PRDM6: variants seen among roughly 807,000 people sequenced by gnomAD.
PRDM6 encodes putative histone-lysine N-methyltransferase PRDM6.
Under a neutral mutation model 60.8 loss-of-function variants are expected in PRDM6, and 25 were observed. The ratio of observed to expected loss-of-function variants is 0.41; its 90% CI spans 0.30 to 0.57. The LOEUF (loss-of-function observed/expected upper bound fraction) is 0.57. PRDM6 is among the 20% of genes least tolerant of loss of function. The pLI is 0.27. For synonymous variants in PRDM6, 407 were observed against 357.4 expected, an observed-to-expected ratio of 1.14 and a Z score of -1.57; for missense variants, 839 against 821.3, an observed-to-expected ratio of 1.02 and a Z score of -0.26.
rs115542196 is a variant in PRDM6, at chr5:123,109,108, C to T, written c.900+9147C>T. ...GCACGTGTCTTTAATAAAAACAAAG[C>T]GTTTCTGGGGTCTATGAGGAGATTA... On this transcript the variant is annotated intron_variant, in intron 3 of 7. Transcript: ENST00000407847. Among the ~76,000 whole-genome samples, 838 of 152,108 alleles carry T rather than the reference C, an allele frequency of 5.5e-3. 10 individuals are homozygous for T. The highest frequency in any genetic ancestry group is 0.019 in the African/African-American group (798 of 41,506).
intron 3 of PRDM6, among the ~76,000 whole-genome samples, chr5:123,154,363 TA>T (rs1765445798): frequency 6.6e-6 from 1 of 152,212 alleles, no homozygotes. Flanking sequence ...CTGCTCAAGC[TA>T]AATTGATTAT....
In PRDM6 at chr5:123,099,715, G is replaced by A. The variant is rs186755; in HGVS notation, c.654G>A (p.Ser218=). 2 of 1,529,122 alleles carry A rather than the reference G, an allele frequency of 1.3e-6. No individual in the cohort carries two copies. Among genetic ancestry groups the A allele is most frequent in the African/African-American group, 1.4e-5 (1 of 72,360 alleles). The allele number at this position is 1,529,122 out of a possible 1,614,324, so 94.7% of individuals were successfully genotyped here. A position where few individuals can be genotyped will look rare whatever the true frequency, so the allele number is the denominator to read the frequency against. Residue 218 remains serine (S), a synonymous_variant, in exon 3 of 8, where the codon TCG becomes TCA. Transcript: ENST00000407847. The surrounding 1 kb of genome is among the most constrained non-coding windows in gnomAD (Gnocchi z 4.0). The part of the protein sequence containing the change: ...GECPMHGPLH[S]LRRLVGTSSA... ...GCCCTATGCATGGGCCACTGCACTCGCTGCGCCGGCTTGTGGGCACCAGCA... is the reference window on the plus strand; with the variant it reads ...GCCCTATGCATGGGCCACTGCACTCACTGCGCCGGCTTGTGGGCACCAGCA...
At chr5:123,176,531 T>A (rs112903135) in intron 6 of PRDM6, among the ~76,000 whole-genome samples, 9,212 of 152,006 alleles carry the variant, frequency 0.061, 375 homozygotes, top group Non-Finnish European at 0.087. Flanking sequence ...GGCAACCTGG[T>A]GAAACCCCAT....
At chr5:123,169,480 T>C (rs1765836302) in intron 5 of PRDM6, among the ~76,000 whole-genome samples, 1 of 152,220 alleles carries the variant, frequency 6.6e-6, no homozygotes. Context: ...TTGCTGTTCA[T>C]GATAGGCCCT....
chr5:123,162,154 A>C (rs1339728142), intron 5 of PRDM6, among the ~76,000 whole-genome samples: 1 of 152,164 alleles, frequency 6.6e-6, no homozygotes, highest in Non-Finnish European at 1.5e-5. Context: ...CTGTGGAGTG[A>C]CCACTTAGGA....
At chr5:123,119,425 C>G (rs887779032) in intron 3 of PRDM6, among the ~76,000 whole-genome samples, 7 of 152,302 alleles carry the variant, frequency 4.6e-5, no homozygotes, top group African/African-American at 1.7e-4. Context: ...CGCTGGTGCT[C>G]AGGCGCCCAC....
At chr5:123,126,181 C>T (rs1467239925) in intron 3 of PRDM6, among the ~76,000 whole-genome samples, 2 of 152,152 alleles carry the variant, frequency 1.3e-5, no homozygotes, top group South Asian at 4.1e-4. Context: ...ATTTCAGCTT[C>T]CCACTTTTGT....
At position 123,189,649 on chromosome 5, in the gene PRDM6, A is replaced by G. The variant is rs1041092610; in HGVS notation, c.*2448A>G. 6.6e-6 allele frequency: 1 copy of G among 152,218 alleles called. No homozygotes were observed. The highest frequency in any genetic ancestry group is 2.4e-5 in the African/African-American group (1 of 41,456). The allele number at this position is 152,218 out of a possible 1,614,324, so 9.4% of individuals were successfully genotyped here. On this transcript the variant is annotated 3_prime_UTR_variant, in exon 8 of 8. Coordinates refer to ENST00000407847, the MANE Select transcript of PRDM6 (RefSeq NM_001136239.4). ...TCTATTATTAAGAGAAATTGTTGGC[A>G]TATATATTCCACCAAATTTGGTCAG...
chr5:123,089,320 G>C lies in PRDM6; in HGVS notation c.-215G>C, dbSNP rs1485580552. 1 of 152,830 alleles carries C rather than the reference G, an allele frequency of 6.5e-6. No homozygotes were observed. The highest frequency in any genetic ancestry group is 2.4e-5 in the African/African-American group (1 of 41,436). 9.5% of individuals were successfully genotyped at this position (152,830 alleles called of 1,614,324 possible). On this transcript the variant is annotated 5_prime_UTR_variant, in exon 1 of 8. Coordinates refer to ENST00000407847, the MANE Select transcript of PRDM6 (RefSeq NM_001136239.4). The stretch of plus-strand genomic sequence containing the variant: ...CACGGCGGTTGAGTCGGGCGCCCAG[G>C]TCCGTCCGCACTCTCGCGCCCTCCG...
chr5:123,126,870 A>G (rs566489770), intron 3 of PRDM6, among the ~76,000 whole-genome samples: 2 of 152,298 alleles, frequency 1.3e-5, no homozygotes, highest in African/African-American at 4.8e-5. Context: ...ATAGTTATTA[A>G]TAAACCTTTT....
intron 3 of PRDM6, among the ~76,000 whole-genome samples, chr5:123,126,390 G>T (rs1253399562): frequency 1.4e-5 from 2 of 143,794 alleles, no homozygotes; most frequent in African/African-American, 2.5e-5. Context: ...TGCACCAAGT[G>T]TTTTTTTTTT....
At chr5:123,145,557 G>A (rs1302029210) in intron 3 of PRDM6, among the ~76,000 whole-genome samples, 1 of 152,158 alleles carries the variant, frequency 6.6e-6, no homozygotes, top group Non-Finnish European at 1.5e-5. Flanking sequence ...TTTGATGTAG[G>A]CCAGTAGTGG....
At position 123,126,663 on chromosome 5, in the gene PRDM6, G is replaced by T. The variant is rs1266989836; in HGVS notation, c.900+26702G>T. On this transcript the variant is annotated intron_variant, in intron 3 of 7. Transcript: ENST00000407847. ...TCTGTTTAAGCAAGATATATCTGCT[G>T]GACAAGAGATGACACATATTTCTAC... 2.0e-5 allele frequency among the ~76,000 whole-genome samples: 3 copies of T among 152,094 alleles called. No homozygotes were observed. The East Asian group carries it at 5.8e-4, about 29-fold the overall frequency.
At chr5:123,145,258 T>C (rs537293272) in intron 3 of PRDM6, among the ~76,000 whole-genome samples, 99 of 152,282 alleles carry the variant, frequency 6.5e-4, no homozygotes, top group African/African-American at 2.4e-3. Context: ...GATGGGAAAA[T>C]CTACAGATTT....
intron 3 of PRDM6, among the ~76,000 whole-genome samples, chr5:123,149,008 A>G (rs1765314608): frequency 6.6e-6 from 1 of 152,252 alleles, no homozygotes; most frequent in South Asian, 2.1e-4. Flanking sequence ...GGTCAGTTAT[A>G]CAGATAAATA....
At chr5:123,182,386 T>C (rs1766185177) in intron 7 of PRDM6, among the ~76,000 whole-genome samples, 1 of 152,236 alleles carries the variant, frequency 6.6e-6, no homozygotes, top group African/African-American at 2.4e-5. Context: ...TTCTGGCCCC[T>C]TATATTAGAA....
intron 7 of PRDM6, among the ~76,000 whole-genome samples, chr5:123,181,588 C>T (rs1766163205): frequency 6.6e-6 from 1 of 152,152 alleles, no homozygotes; most frequent in African/African-American, 2.4e-5. Flanking sequence ...ATTTGCTCTA[C>T]TGGCTTTTTC....
intron 3 of PRDM6, among the ~76,000 whole-genome samples, chr5:123,145,191 G>A (rs764799436): frequency 2.6e-5 from 4 of 152,136 alleles, no homozygotes; most frequent in Non-Finnish European, 5.9e-5. Context: ...AAATTGTAAT[G>A]GATTACCTTT....
intron 4 of PRDM6, among the ~76,000 whole-genome samples, chr5:123,157,198 G>A (rs1372099156): frequency 2.0e-5 from 3 of 151,780 alleles, no homozygotes; most frequent in African/African-American, 4.8e-5. Flanking sequence ...GTGACTCACC[G>A]CCTTGGTTTT....
Sources: gnomAD v4.1 joint callset for allele counts (sites outside exome capture counted in the v4.1 genomes callset) on GRCh38, gnomAD v4.1.1 for gene constraint, Gnocchi (gnomAD v3.1) non-coding constraint, MANE v1.5 for transcripts, NCBI Gene and HGNC (gene_info 2026-07-23, HGNC 2026-07-21) for gene names.